COL12A1: variants seen among roughly 807,000 people sequenced by gnomAD.
COL12A1 encodes the protein collagen alpha-1(XII) chain.
A neutral mutation model predicts 349.7 loss-of-function variants in COL12A1; 114 were observed. The ratio of observed to expected loss-of-function variants is 0.33; its 90% CI spans 0.28 to 0.38. COL12A1 has a LOEUF of 0.38. COL12A1 is among the 10% of genes least tolerant of loss of function. The pLI is 1.00. For synonymous variants in COL12A1, 1,369 were observed against 1,329.0 expected, an observed-to-expected ratio of 1.03 and a Z score of -0.66; for missense variants, 3,284 against 3,756.9, an observed-to-expected ratio of 0.87 and a Z score of 3.29.
intron 8 of COL12A1, among the ~76,000 whole-genome samples, chr6:75,188,136 T>A (rs1319529074): frequency 5.9e-5 from 9 of 152,074 alleles, no homozygotes; most frequent in African/African-American, 1.4e-4. Context: ...ACCAAAAAAA[T>A]TTTAAGAACT....
At chr6:75,163,046 G>C (rs974030521) in intron 14 of COL12A1, among the ~76,000 whole-genome samples, 9 of 152,102 alleles carry the variant, frequency 5.9e-5, no homozygotes, top group Non-Finnish European at 1.0e-4. Flanking sequence ...AAATAGGAAC[G>C]CTTTTACACT....
At position 75,090,158 on chromosome 6, in the gene COL12A1, G is replaced by C. The variant is rs1485022190; in HGVS notation, c.8893C>G (p.Pro2965Ala). The part of the protein sequence containing the change: ...ARGEPGPGGR[P>A]GFPGTPGMQG... ...ATCCCTGGTGTGCCCGGGAAGCCTG[G>C]CCGCCCCCCAGGCCCAGGTTCTCCT... The change falls in exon 63 of 66, where the codon CCA becomes GCA. Residue 2965 changes from proline (P) to alanine (A), a missense_variant. Pro to Ala is a conservative substitution (Grantham distance 27). Coordinates refer to ENST00000322507, the MANE Select transcript of COL12A1 (RefSeq NM_004370.6). This position sits in a 1 kb window ranked among gnomAD's most constrained non-coding sequence, Gnocchi z 4.1. 1 of 1,613,942 alleles carries C rather than the reference G, an allele frequency of 6.2e-7. No individual in the cohort carries two copies. Among genetic ancestry groups the C allele is most frequent in the Non-Finnish European group, 8.5e-7 (1 of 1,179,994 alleles).
At chr6:75,095,593 C>T (rs1188019352) in intron 59 of COL12A1, among the ~76,000 whole-genome samples, 4 of 132,282 alleles carry the variant, frequency 3.0e-5, no homozygotes, top group South Asian at 4.5e-4. Flanking sequence ...GTCCGCAGTC[C>T]GGCCTGGGCG....
chr6:75,145,913 C>T (rs1481827393), intron 24 of COL12A1, among the ~76,000 whole-genome samples, 189 bp downstream of exon 24: 1 of 152,144 alleles, frequency 6.6e-6, no homozygotes, highest in Non-Finnish European at 1.5e-5. Flanking sequence ...ATTACACAGG[C>T]GTCAGTCACC....
chr6:75,129,088 T>C (rs945942483), intron 37 of COL12A1, among the ~76,000 whole-genome samples: 6 of 152,230 alleles, frequency 3.9e-5, no homozygotes, highest in Non-Finnish European at 8.8e-5. Context: ...AAATGATAAA[T>C]TGTATTTTTA....
At chr6:75,093,193 C>A (rs917692555) in intron 60 of COL12A1, among the ~76,000 whole-genome samples, 8 of 152,144 alleles carry the variant, frequency 5.3e-5, no homozygotes, top group Non-Finnish European at 1.2e-4. Flanking sequence ...TATATACCCC[C>A]CAGAATGTCT....
chr6:75,114,228 C>T (rs975336830), intron 49 of COL12A1, among the ~76,000 whole-genome samples: 1 of 151,852 alleles, frequency 6.6e-6, no homozygotes, highest in Non-Finnish European at 1.5e-5. Flanking sequence ...TAATTTCTCT[C>T]TCCCTCCCTA....
At chr6:75,088,468 A>C in intron 64 of COL12A1, among the ~76,000 whole-genome samples, 1 of 151,636 alleles carries the variant, frequency 6.6e-6, no homozygotes. Context: ...CAAAAAAAAA[A>C]CAAATAGGAA....
chr6:75,175,400 T>G, intron 12 of COL12A1, 90 bp from the exon 13 acceptor site: 96 of 1,337,838 alleles, frequency 7.2e-5, no homozygotes, highest in Middle Eastern at 2.5e-4. Context: ...GCATGTGCAC[T>G]ACATCAAAGT....
Position 75,130,980 on chromosome 6 carries a change from A to G in COL12A1, c.5939T>C (p.Ile1980Thr), listed in dbSNP as rs540867293. ...CATGCGCGTGTTTCCTGGCACTACT[A>G]TCTGCAGGAGAGGAAATGCCAAATT... is the stretch of plus-strand genomic sequence containing the variant. ...PVDGTRPSES[I>T]VVPGNTRMVH... The change falls in exon 36 of 66, where the codon ATA becomes ACA. Residue 1980 changes from isoleucine to threonine, a missense_variant and splice_region_variant. By Grantham distance (89) the Ile-to-Thr change is moderately conservative. Transcript: ENST00000322507. The G allele has an allele frequency of 6.2e-7, 1 of 1,614,136 alleles. No individual in the cohort carries two copies. Among genetic ancestry groups the G allele is most frequent in the South Asian group, 1.1e-5 (1 of 91,084 alleles).
At chr6:75,102,537 T>C (rs1768352510) in intron 56 of COL12A1, 60 bp downstream of exon 56, 1 of 1,299,760 alleles carries the variant, frequency 7.7e-7, no homozygotes, top group Non-Finnish European at 1.0e-6. Context: ...GTAGAAAAGA[T>C]TCATTTAACT....
At chr6:75,124,475 T>G (rs1184908551) in intron 40 of COL12A1, 104 bp from the exon 41 acceptor site, 3 of 790,178 alleles carry the variant, frequency 3.8e-6, no homozygotes, top group South Asian at 4.1e-5. Flanking sequence ...TAAAAAAAAG[T>G]TCAAAATTGT....
intron 55 of COL12A1, among the ~76,000 whole-genome samples, chr6:75,103,068 TG>T (rs1393007880): frequency 6.6e-6 from 1 of 152,192 alleles, no homozygotes; most frequent in East Asian, 1.9e-4. Flanking sequence ...AGCTTATTTC[TG>T]GGACTAAAGG....
At chr6:75,135,652 G>A (rs897408081) in intron 31 of COL12A1, among the ~76,000 whole-genome samples, 2 of 152,176 alleles carry the variant, frequency 1.3e-5, no homozygotes, top group African/African-American at 2.4e-5. Flanking sequence ...ATGGCTGGAT[G>A]TGCTAGAACA....
chr6:75,189,918 T>TGAA, intron 5 of COL12A1, 103 bp from the exon 6 acceptor site: 1 of 1,224,946 alleles, frequency 8.2e-7, no homozygotes, highest in Non-Finnish European at 1.1e-6. Flanking sequence ...ATTCTGTTCA[T>TGAA]TAGAACATAT....
intron 34 of COL12A1, among the ~76,000 whole-genome samples, chr6:75,132,928 C>T (rs898216281): frequency 3.3e-5 from 5 of 152,260 alleles, no homozygotes; most frequent in South Asian, 2.1e-4. Flanking sequence ...AAGTAATGTG[C>T]CGAACAGATT....
rs1002113974 is a variant in COL12A1 at position 75,183,269 on chromosome 6, T to C, written c.1672A>G (p.Arg558Gly). ...ITDGKSSDAFRDPAIKLRNSD... is the reference protein window; with the variant it reads ...ITDGKSSDAFGDPAIKLRNSD... Reference sequence around the variant, plus strand: ...TTCCTCAGTTTTATCGCAGGATCTCTGAAAGCATCTGATGATTTCCCATCC... The same window carrying C: ...TTCCTCAGTTTTATCGCAGGATCTCCGAAAGCATCTGATGATTTCCCATCC... The change falls in exon 10 of 66, where the codon AGA becomes GGA. Residue 558 changes from arginine to glycine, a missense_variant. Arg to Gly is a moderately radical substitution (Grantham distance 125). Transcript: ENST00000322507. 6.2e-7 allele frequency: 1 copy of C among 1,614,214 alleles called. No individual in the cohort carries two copies.
chr6:75,091,454 C>G, intron 61 of COL12A1, 36 bp downstream of exon 61: 1 of 1,612,622 alleles, frequency 6.2e-7, no homozygotes, highest in Non-Finnish European at 8.5e-7. Flanking sequence ...ATGTTTAACA[C>G]ACAAAATAAA....
At position 75,189,379 on chromosome 6, in the gene COL12A1, C is replaced by A; in HGVS notation, c.661G>T (p.Asp221Tyr). Residue 221 changes from aspartate (D) to tyrosine (Y), a missense_variant and splice_region_variant, in exon 7 of 66, where the codon GAT becomes TAT. Asp to Tyr is a radical substitution (Grantham distance 160). This residue lies in a region of COL12A1 where 2,601 missense variants were observed against 2,824.8 expected (regional missense o/e 0.92). Transcript: ENST00000322507. ...PYKGGNTMTG[D>Y]AIDYLVKNTF... ...TTTTTAACTAAATAATCAATGGCAT[C>A]CCCTAAAGGGAAAAGAAACATGTTC... is the stretch of plus-strand genomic sequence containing the variant. 6.2e-7 allele frequency: 1 copy of A among 1,612,060 alleles called. No individual in the cohort carries two copies. Among genetic ancestry groups the A allele is most frequent in the South Asian group, 1.1e-5 (1 of 90,870 alleles).
Sources: gnomAD v4.1 joint callset for allele counts (sites outside exome capture counted in the v4.1 genomes callset) on GRCh38, gnomAD v4.1.1 for gene constraint, gnomAD v4.1.1 regional missense constraint, Gnocchi (gnomAD v3.1) non-coding constraint, MANE v1.5 for transcripts, NCBI Gene and HGNC (gene_info 2026-07-23, HGNC 2026-07-21) for gene names.